JAZF1: variants seen among roughly 807,000 people sequenced by gnomAD.
JAZF1 encodes the protein juxtaposed with another zinc finger protein 1.
In JAZF1, 8 loss-of-function variants were observed where a neutral mutation model predicts 26.4. That is an observed-to-expected ratio of 0.30 (90% CI 0.18 to 0.55). The LOEUF is 0.55. Among genes scored for constraint, JAZF1 ranks in the 20% least tolerant of loss-of-function variants. The pLI, the probability that JAZF1 is intolerant of heterozygous loss-of-function variation, is 0.94. For synonymous variants in JAZF1, 126 were observed against 122.3 expected, an observed-to-expected ratio of 1.03 and a Z score of -0.20; for missense variants, 199 against 322.0, an observed-to-expected ratio of 0.62 and a Z score of 2.92.
rs897351112 is a variant in JAZF1 at position 27,840,903 on chromosome 7, C to T, written c.386-36G>A. On this transcript the variant is annotated intron_variant, in intron 3 of 4. Transcript: ENST00000283928. The surrounding 1 kb of genome is among the most constrained non-coding windows in gnomAD (Gnocchi z 5.1). ...AGAGAAGTGCAAGGACTGTCAGGAG[C>T]GCTCATCTCCCCACAGGTTCACCCG... 1.0e-5 allele frequency: 16 copies of T among 1,606,350 alleles called. No individual in the cohort carries two copies. The highest frequency in any genetic ancestry group is 8.0e-5 in the African/African-American group (6 of 74,704).
chr7:28,094,530 C>T (rs934593411), intron 1 of JAZF1, among the ~76,000 whole-genome samples: 20 of 152,140 alleles, frequency 1.3e-4, no homozygotes, highest in African/African-American at 4.6e-4. Context: ...AACTTTTTTG[C>T]GACCCTATAC....
At chr7:28,057,748 T>G (rs1783735399) in intron 1 of JAZF1, among the ~76,000 whole-genome samples, 2 of 152,216 alleles carry the variant, frequency 1.3e-5, no homozygotes, top group Non-Finnish European at 2.9e-5. Context: ...TGGCCCCAAA[T>G]TTTGTTCAAA....
At chr7:27,966,518 G>A (rs971917631) in intron 2 of JAZF1, among the ~76,000 whole-genome samples, 1 of 152,122 alleles carries the variant, frequency 6.6e-6, no homozygotes, top group Non-Finnish European at 1.5e-5. Context: ...AAGTTCACAG[G>A]GGTAGTCCAG....
intron 1 of JAZF1, among the ~76,000 whole-genome samples, chr7:28,035,257 T>TGAGCTG (rs1194313915): frequency 7.8e-6 from 1 of 127,772 alleles, no homozygotes; most frequent in Non-Finnish European, 1.5e-5. Context: ...GAGGTTGTGG[T>TGAGCTG]GAGCTGAAAT....
At chr7:27,951,387 A>C (rs369180385) in intron 2 of JAZF1, among the ~76,000 whole-genome samples, 36 of 152,222 alleles carry the variant, frequency 2.4e-4, no homozygotes, top group Middle Eastern at 6.8e-3. Flanking sequence ...TCTATTTAAT[A>C]ATGCAATTTT....
intron 2 of JAZF1, among the ~76,000 whole-genome samples, chr7:27,929,177 G>C (rs1208610818): frequency 6.6e-6 from 1 of 152,242 alleles, no homozygotes; most frequent in Non-Finnish European, 1.5e-5. Flanking sequence ...CTTTAGAGGA[G>C]CTGCTATATT....
chr7:27,897,614 T>C (rs996138164), intron 2 of JAZF1, among the ~76,000 whole-genome samples: 1 of 152,230 alleles, frequency 6.6e-6, no homozygotes, highest in African/African-American at 2.4e-5. Flanking sequence ...CCTGTAGCTA[T>C]CTGATAGGAA....
At chr7:27,926,334 G>C (rs563427103) in intron 2 of JAZF1, among the ~76,000 whole-genome samples, 6 of 152,142 alleles carry the variant, frequency 3.9e-5, no homozygotes, top group African/African-American at 9.7e-5. Flanking sequence ...GAACTGGCAG[G>C]ACATACCTTC....
intron 2 of JAZF1, among the ~76,000 whole-genome samples, chr7:27,988,856 G>C (rs1445620032): frequency 7.2e-6 from 1 of 138,242 alleles, no homozygotes; most frequent in Non-Finnish European, 1.5e-5. Context: ...GTCAGTAGTT[G>C]TATGATGGGA....
At chr7:27,864,930 C>CT (rs1477765083) in intron 3 of JAZF1, among the ~76,000 whole-genome samples, 1 of 152,184 alleles carries the variant, frequency 6.6e-6, no homozygotes, top group African/African-American at 2.4e-5. Flanking sequence ...AATGGGCTCC[C>CT]TCACAGGACC....
At chr7:27,956,639 GA>G (rs1785098112) in intron 2 of JAZF1, among the ~76,000 whole-genome samples, 1 of 152,168 alleles carries the variant, frequency 6.6e-6, no homozygotes, top group African/African-American at 2.4e-5. Context: ...TCTTCTGGAA[GA>G]AAGGGCCCTA....
intron 1 of JAZF1, among the ~76,000 whole-genome samples, chr7:28,099,261 T>C (rs778901866): frequency 2.1e-4 from 32 of 152,212 alleles, no homozygotes; most frequent in Middle Eastern, 3.2e-3. Context: ...TTCTTTAGCA[T>C]TTGATACTTA....
intron 2 of JAZF1, among the ~76,000 whole-genome samples, chr7:27,898,763 C>T (rs1481110856): frequency 1.3e-5 from 2 of 152,146 alleles, no homozygotes; most frequent in African/African-American, 4.8e-5. Context: ...GAAGCAAGAA[C>T]AAGGCACCCA....
At chr7:27,887,381 A>G (rs1464168765) in intron 3 of JAZF1, among the ~76,000 whole-genome samples, 1 of 152,100 alleles carries the variant, frequency 6.6e-6, no homozygotes, top group East Asian at 1.9e-4. Flanking sequence ...AAAAAGATCT[A>G]TTATGATTAC....
At chr7:27,914,128 G>GT (rs578001678) in intron 2 of JAZF1, among the ~76,000 whole-genome samples, 1 of 152,166 alleles carries the variant, frequency 6.6e-6, no homozygotes, top group Non-Finnish European at 1.5e-5. Flanking sequence ...CCTGCTATCT[G>GT]TTTGCTATGT....
chr7:28,128,785 G>A (rs1782741832), intron 1 of JAZF1, among the ~76,000 whole-genome samples: 1 of 152,176 alleles, frequency 6.6e-6, no homozygotes, highest in African/African-American at 2.4e-5. Flanking sequence ...ACCAAGGATA[G>A]CTGCACTGTA....
intron 1 of JAZF1, among the ~76,000 whole-genome samples, chr7:28,126,780 G>C (rs1782700829): frequency 6.6e-6 from 1 of 152,122 alleles, no homozygotes; most frequent in South Asian, 2.1e-4. Context: ...GAAGAGGAGA[G>C]GGAAAGGAAG....
At chr7:28,111,616 A>C (rs936826838) in intron 1 of JAZF1, among the ~76,000 whole-genome samples, 1 of 152,236 alleles carries the variant, frequency 6.6e-6, no homozygotes. Context: ...ATTCATCTTA[A>C]AGTGGTTTTC....
At chr7:27,856,758 T>C (rs187342224) in intron 3 of JAZF1, among the ~76,000 whole-genome samples, 5 of 152,286 alleles carry the variant, frequency 3.3e-5, no homozygotes, top group African/African-American at 7.2e-5. Flanking sequence ...AGAGTGCCAA[T>C]TGGTGCATTC....
Sources: gnomAD v4.1 joint callset for allele counts (sites outside exome capture counted in the v4.1 genomes callset) on GRCh38, gnomAD v4.1.1 for gene constraint, Gnocchi (gnomAD v3.1) non-coding constraint, MANE v1.5 for transcripts, NCBI Gene and HGNC (gene_info 2026-07-23, HGNC 2026-07-21) for gene names.